The following GON4L variants were observed in gnomAD, a reference collection of about 807,000 sequenced individuals.
GON4L encodes gon-4 like, also known as GON-4-like protein.
In GON4L, 87 loss-of-function variants were observed where a neutral mutation model predicts 211.8. That is an observed-to-expected ratio of 0.41 (90% CI 0.35 to 0.49). The LOEUF (loss-of-function observed/expected upper bound fraction) is 0.49. Among genes scored for constraint, GON4L ranks in the 20% least tolerant of loss-of-function variants. The pLI, the probability that GON4L is intolerant of heterozygous loss-of-function variation, is 0.15. For missense variants in GON4L, 2,155 were observed against 2,659.5 expected, an observed-to-expected ratio of 0.81 and a Z score of 4.17; for synonymous variants, 875 against 962.6, an observed-to-expected ratio of 0.91 and a Z score of 1.68.
intron 18 of GON4L, 97 bp downstream of exon 18, chr1:155,772,969 T>A: frequency 2.0e-6 from 3 of 1,487,466 alleles, no homozygotes; most frequent in Non-Finnish European, 2.8e-6. Context: ...TGTCCGTGTC[T>A]TATTATACAA....
At chr1:155,774,850 A>G in intron 17 of GON4L, 152 bp downstream of exon 17, 2 of 839,398 alleles carry the variant, frequency 2.4e-6, no homozygotes, top group South Asian at 3.1e-5. Context: ...TTGGATAATG[A>G]GTACAAAGGG....
At chr1:155,789,610 T>TA (rs56189339) in intron 12 of GON4L, among the ~76,000 whole-genome samples, 19 of 144,876 alleles carry the variant, frequency 1.3e-4, no homozygotes, top group South Asian at 2.2e-4. Context: ...TGTCTGAATT[T>TA]AAAAAAAAAA....
chr1:155,795,439 A>G (rs888676797), intron 11 of GON4L, among the ~76,000 whole-genome samples: 1 of 152,186 alleles, frequency 6.6e-6, no homozygotes, highest in African/African-American at 2.4e-5. Context: ...TGTAAAAGCT[A>G]CTTGTACAGT....
At chr1:155,785,618 T>C (rs1664861413) in intron 12 of GON4L, among the ~76,000 whole-genome samples, 1 of 152,028 alleles carries the variant, frequency 6.6e-6, no homozygotes, top group African/African-American at 2.4e-5. Flanking sequence ...GCTCCCCAAG[T>C]AGCTGGGACC....
Position 155,822,524 on chromosome 1 carries a change from A to G in GON4L, c.698-48T>C, listed in dbSNP as rs752157364. 3.5e-6 allele frequency: 5 copies of G among 1,432,240 alleles called. No individual in the cohort carries two copies. In the South Asian group the frequency reaches 5.7e-5, roughly 16 times the overall value. The allele number at this position is 1,432,240 out of a possible 1,614,324, so 88.7% of individuals were successfully genotyped here. A position where few individuals can be genotyped will look rare whatever the true frequency, so the allele number is the denominator to read the frequency against. On this transcript the variant is annotated intron_variant, in intron 3 of 31. Coordinates refer to ENST00000368331, the MANE Select transcript of GON4L (RefSeq NM_001282860.2). ...ATCAGAATTCCAAAATAGCTGCTCCAGGAACTTAGCCCAGAAAGCCAACAG... is the reference window on the plus strand; with the variant it reads ...ATCAGAATTCCAAAATAGCTGCTCCGGGAACTTAGCCCAGAAAGCCAACAG...
At chr1:155,773,365 T>G in intron 17 of GON4L, 155 bp from the exon 18 acceptor site, 1 of 752,112 alleles carries the variant, frequency 1.3e-6, no homozygotes, top group Non-Finnish European at 2.2e-6. Flanking sequence ...TTTCCAGTCT[T>G]TCTTAAGCTA....
intron 12 of GON4L, among the ~76,000 whole-genome samples, chr1:155,787,902 C>A (rs960718885): frequency 6.6e-6 from 1 of 152,134 alleles, no homozygotes; most frequent in Non-Finnish European, 1.5e-5. Flanking sequence ...AGAGATAGTA[C>A]CACTGCACTC....
At chr1:155,858,333 C>G (rs1672434927), upstream of GON4L, among the ~76,000 whole-genome samples, 1 of 152,046 alleles carries the variant, frequency 6.6e-6, no homozygotes, top group Non-Finnish European at 1.5e-5. Flanking sequence ...GGTAAACCAC[C>G]AACACAAATT....
Position 155,853,486 on chromosome 1 carries a change from T to A in GON4L, c.295A>T (p.Ile99Phe). ...VPILEGVDVA[I>F]SQGITLPSLE... ...GAAGGTAGGGTGATTCCCTGAGAGATGGCCACATCAACACCTTCTAGAATT... is the reference window on the plus strand; with the variant it reads ...GAAGGTAGGGTGATTCCCTGAGAGAAGGCCACATCAACACCTTCTAGAATT... The change falls in exon 2 of 32, where the codon ATC (isoleucine) becomes TTC (phenylalanine). Residue 99 changes from isoleucine to phenylalanine, a missense_variant. Physicochemically the swap from Ile to Phe is conservative, Grantham distance 21. Transcript: ENST00000368331. The A allele has an allele frequency of 1.2e-6, 2 of 1,614,140 alleles. No homozygotes were observed. Among genetic ancestry groups the A allele is most frequent in the African/African-American group, 1.3e-5 (1 of 75,056 alleles).
rs778525120 is a variant in GON4L at position 155,765,623 on chromosome 1, C to G, written c.3850G>C (p.Glu1284Gln). 6.2e-7 allele frequency: 1 copy of G among 1,614,216 alleles called. No individual in the cohort carries two copies. The highest frequency in any genetic ancestry group is 2.2e-5 in the East Asian group (1 of 44,892). ...ACGGTCCAGCGACAGGCACTATTCT[C>G]TGACAATCCTTCTTGGCACTCTGCA... is the stretch of plus-strand genomic sequence containing the variant. Reference protein sequence around the residue: ...ADAECQEGLSENSACRWTVVK... With the variant: ...ADAECQEGLSQNSACRWTVVK... Residue 1284 changes from glutamate to glutamine, a missense_variant, in exon 21 of 32, where the codon GAG becomes CAG. By Grantham distance (29) the Glu-to-Gln change is conservative. Coordinates refer to ENST00000368331, the MANE Select transcript of GON4L (RefSeq NM_001282860.2).
chr1:155,787,905 C>T (rs537728686), intron 12 of GON4L, among the ~76,000 whole-genome samples: 1 of 152,122 alleles, frequency 6.6e-6, no homozygotes, highest in East Asian at 1.9e-4. Context: ...GATAGTACCA[C>T]TGCACTCCAG....
At position 155,752,175 on chromosome 1, in the gene GON4L, C is replaced by G. The variant is rs756668868; in HGVS notation, c.6258G>C (p.Lys2086Asn). ...GGACAGGGCACGTCCTGTCTCTTGT[C>G]TTCACCCGAGCTCTGCTTGAGGGCA... ...RWLPSSRARV[K>N]TRDRTCPVHE... Residue 2086 changes from lysine (K) to asparagine (N), a missense_variant, in exon 30 of 32, where the codon AAG (lysine) becomes AAC (asparagine). By Grantham distance (94) the Lys-to-Asn change is moderately conservative. Coordinates refer to ENST00000368331, the MANE Select transcript of GON4L (RefSeq NM_001282860.2). 2 of 1,613,668 alleles carry G rather than the reference C, an allele frequency of 1.2e-6. No individual in the cohort carries two copies. Among genetic ancestry groups the G allele is most frequent in the Non-Finnish European group, 1.7e-6 (2 of 1,179,702 alleles).
At chr1:155,772,842 T>C (rs951318710) in intron 18 of GON4L, among the ~76,000 whole-genome samples, 3 of 152,106 alleles carry the variant, frequency 2.0e-5, no homozygotes, top group African/African-American at 7.2e-5. Flanking sequence ...CCATGTCCGG[T>C]CTAAAATGCT....
At chr1:155,807,012 T>A (rs563164798) in intron 10 of GON4L, among the ~76,000 whole-genome samples, 1 of 149,802 alleles carries the variant, frequency 6.7e-6, no homozygotes, top group South Asian at 2.1e-4. Context: ...AAGAGAAGGA[T>A]CTCTTGAGAC....
At position 155,821,229 on chromosome 1, in the gene GON4L, G is replaced by C. The variant is rs570951540; in HGVS notation, c.963+245C>G. ...TGCAATGAGCCAAGATCGCGCCACT[G>C]CGCTCCAGCCTGGGTGACAGAGTAA... On this transcript the variant is annotated intron_variant, in intron 5 of 31. Coordinates refer to ENST00000368331, the MANE Select transcript of GON4L (RefSeq NM_001282860.2). Among the ~76,000 whole-genome samples, 191 of 151,942 alleles carry C rather than the reference G, an allele frequency of 1.3e-3. 1 individual carries two copies. Among genetic ancestry groups the C allele is most frequent in the African/African-American group, 4.4e-3 (184 of 41,440 alleles).
chr1:155,840,197 T>C (rs978424428), intron 2 of GON4L, among the ~76,000 whole-genome samples: 3 of 152,240 alleles, frequency 2.0e-5, no homozygotes, highest in Admixed American at 6.5e-5. Context: ...CATGTTCACC[T>C]GCTATATTCA....
chr1:155,747,736 A>G, downstream of GON4L: 1 of 1,613,730 alleles, frequency 6.2e-7, no homozygotes, highest in Non-Finnish European at 8.5e-7. Context: ...CCTGCTAACT[A>G]TCTTTCGTCA....
At chr1:155,793,642 T>G (rs1226792218) in intron 12 of GON4L, among the ~76,000 whole-genome samples, 2 of 152,198 alleles carry the variant, frequency 1.3e-5, no homozygotes, top group Non-Finnish European at 2.9e-5. Context: ...AGGATCTCCC[T>G]CTGCCACCAA....
In GON4L at chr1:155,813,713, C is replaced by T. The variant is rs199927062; in HGVS notation, c.1373G>A (p.Arg458Lys). 38 of 1,613,670 alleles carry T rather than the reference C, an allele frequency of 2.4e-5. No homozygotes were observed. The highest frequency in any genetic ancestry group is 5.3e-5 in the African/African-American group (4 of 74,912). ...PPPPPKPKQT[R>K]DSTFMEKLHA... is the part of the protein sequence containing the mutation. The stretch of plus-strand genomic sequence containing the variant: ...TAACTTCTCCATGAAAGTACTATCT[C>T]TGGTCTGTTTCGGCTTTGGAGGGGG... Residue 458 changes from arginine (R) to lysine (K), a missense_variant, in exon 10 of 32, where the codon AGA becomes AAA. Arg to Lys is a conservative substitution (Grantham distance 26, BLOSUM62 2). Transcript: ENST00000368331.
Sources: allele counts gnomAD v4.1 joint callset (sites outside exome capture counted in the v4.1 genomes callset), GRCh38; gene constraint gnomAD v4.1.1; transcripts MANE v1.5; gene names NCBI Gene and HGNC (gene_info 2026-07-23, HGNC 2026-07-21).